The following HDAC9 variants were observed in gnomAD, a reference collection of about 807,000 sequenced individuals.
HDAC9 encodes the protein MEF-2 interacting transcription repressor (MITR) protein.
HDAC9 carries 41 observed loss-of-function variants against 139.4 expected under a neutral mutation model. That is an observed-to-expected ratio of 0.29 (90% CI 0.23 to 0.38). HDAC9 has a LOEUF of 0.38. HDAC9 is among the 10% of genes least tolerant of loss of function. The pLI is 1.00. For synonymous variants in HDAC9, 517 were observed against 476.2 expected, an observed-to-expected ratio of 1.09 and a Z score of -1.12; for missense variants, 1,147 against 1,297.0, an observed-to-expected ratio of 0.88 and a Z score of 1.78.
intron 19 of HDAC9, among the ~76,000 whole-genome samples, chr7:18,830,954 A>G (rs565499722): frequency 1.3e-5 from 2 of 152,366 alleles, no homozygotes; most frequent in East Asian, 3.9e-4. Flanking sequence ...AATTTGTAAG[A>G]TATTAAAACT....
chr7:18,211,261 C>G (rs1791918126), intron 2 of HDAC9, among the ~76,000 whole-genome samples: 1 of 152,178 alleles, frequency 6.6e-6, no homozygotes, highest in South Asian at 2.1e-4. Context: ...CATAGAAGCC[C>G]ACTTACCTAT....
At chr7:18,702,445 A>AT (rs1246252112) in intron 12 of HDAC9, among the ~76,000 whole-genome samples, 1 of 152,234 alleles carries the variant, frequency 6.6e-6, no homozygotes, top group African/African-American at 2.4e-5. Context: ...TCCAGTCTGC[A>AT]TAATTTTGGG....
chr7:18,560,169 A>T (rs2128703293), intron 2 of HDAC9, among the ~76,000 whole-genome samples: 1 of 152,320 alleles, frequency 6.6e-6, no homozygotes, highest in African/African-American at 2.4e-5. Flanking sequence ...AATTGGGCTC[A>T]GACTGATCTG....
intron 23 of HDAC9, among the ~76,000 whole-genome samples, chr7:18,942,063 A>G (rs1782063493): frequency 6.6e-6 from 1 of 152,096 alleles, no homozygotes; most frequent in African/African-American, 2.4e-5. Context: ...GTTCTTTGCC[A>G]TGGTGAAACA....
chr7:18,666,515 A>G, intron 12 of HDAC9, 39 bp downstream of exon 12: 1 of 1,589,610 alleles, frequency 6.3e-7, no homozygotes, highest in Non-Finnish European at 8.6e-7. Flanking sequence ...TTGTAATTAA[A>G]GTCATTATCT....
intron 2 of HDAC9, among the ~76,000 whole-genome samples, chr7:18,523,624 A>ATG (rs941992755): frequency 3.3e-5 from 5 of 152,002 alleles, no homozygotes; most frequent in African/African-American, 7.2e-5. Flanking sequence ...GCACATGTAT[A>ATG]TGTGTGTGTG....
chr7:18,671,718 C>G lies in HDAC9; in HGVS notation c.1731+5242C>G, dbSNP rs144907157. 2.0e-5 allele frequency among the ~76,000 whole-genome samples: 3 copies of G among 152,070 alleles called. No individual in the cohort carries two copies. The East Asian group carries it at 5.8e-4, about 30-fold the overall frequency. On this transcript the variant is annotated intron_variant, in intron 12 of 25. Transcript: ENST00000686413. ...AAAAATCTTGTACCAACTAAGCAGT[C>G]ACTCCCACTCCACGCTCGTTCTTGC...
chr7:18,525,956 C>T (rs1432014028), intron 2 of HDAC9, among the ~76,000 whole-genome samples: 1 of 152,202 alleles, frequency 6.6e-6, no homozygotes, highest in African/African-American at 2.4e-5. Flanking sequence ...CTCTCACCAC[C>T]AAAGACATAA....
chr7:18,358,491 A>C (rs970954876), intron 1 of HDAC9, among the ~76,000 whole-genome samples: 1 of 152,220 alleles, frequency 6.6e-6, no homozygotes, highest in Non-Finnish European at 1.5e-5. Flanking sequence ...ATTTTATGCA[A>C]ACTGGCATTG....
At chr7:18,893,319 C>T (rs1800862474) in intron 22 of HDAC9, among the ~76,000 whole-genome samples, 2 of 151,984 alleles carry the variant, frequency 1.3e-5, no homozygotes, top group Non-Finnish European at 1.5e-5. Context: ...CATAACATAA[C>T]CTTCGCTCTC....
chr7:18,560,089 T>A (rs570568628), intron 2 of HDAC9, among the ~76,000 whole-genome samples: 9 of 152,330 alleles, frequency 5.9e-5, no homozygotes, highest in East Asian at 1.9e-4. Context: ...GCAATTTTTT[T>A]ATTATTTTTA....
intron 1 of HDAC9, among the ~76,000 whole-genome samples, chr7:18,116,509 G>A (rs1400171892): frequency 3.3e-5 from 5 of 152,000 alleles, no homozygotes; most frequent in African/African-American, 1.2e-4. Context: ...TATAGAAACA[G>A]CTATATGAAA....
At chr7:18,111,513 T>C (rs1180612865) in intron 1 of HDAC9, among the ~76,000 whole-genome samples, 1 of 152,158 alleles carries the variant, frequency 6.6e-6, no homozygotes, top group Non-Finnish European at 1.5e-5. Flanking sequence ...CCAATATCAG[T>C]GGATGCCCAA....
At chr7:18,353,986 A>T (rs1783059289) in intron 1 of HDAC9, among the ~76,000 whole-genome samples, 1 of 152,186 alleles carries the variant, frequency 6.6e-6, no homozygotes, top group South Asian at 2.1e-4. Context: ...GTGTATGCAC[A>T]TTCTAAGCCA....
intron 1 of HDAC9, among the ~76,000 whole-genome samples, chr7:18,419,136 T>C (rs1367122055): frequency 1.3e-5 from 2 of 152,214 alleles, no homozygotes; most frequent in African/African-American, 4.8e-5. Context: ...GATGTATTTT[T>C]AATTTTCATT....
intron 25 of HDAC9, among the ~76,000 whole-genome samples, chr7:18,981,855 C>T (rs1016034898): frequency 6.6e-6 from 1 of 152,000 alleles, no homozygotes; most frequent in African/African-American, 2.4e-5. Flanking sequence ...GCTTTGGGGA[C>T]TATTATTCTT....
At chr7:18,399,426 A>T (rs1787338461) in intron 1 of HDAC9, among the ~76,000 whole-genome samples, 1 of 152,184 alleles carries the variant, frequency 6.6e-6, no homozygotes, top group South Asian at 2.1e-4. Context: ...GAAGAACTAA[A>T]TTGTATGGAG....
intron 2 of HDAC9, among the ~76,000 whole-genome samples, chr7:18,178,370 C>T (rs1220194670): frequency 6.6e-6 from 1 of 152,222 alleles, no homozygotes; most frequent in Non-Finnish European, 1.5e-5. Context: ...CAGGCGTGAG[C>T]CACTGCACCC....
intron 6 of HDAC9, among the ~76,000 whole-genome samples, chr7:18,604,525 G>A (rs1379825767): frequency 1.3e-5 from 2 of 151,406 alleles, no homozygotes; most frequent in Non-Finnish European, 2.9e-5. Flanking sequence ...TCCTGCCTCA[G>A]CCTCCCGAGA....
Sources: allele counts gnomAD v4.1 joint callset (sites outside exome capture counted in the v4.1 genomes callset), GRCh38; gene constraint gnomAD v4.1.1; transcripts MANE v1.5; gene names NCBI Gene and HGNC (gene_info 2026-07-23, HGNC 2026-07-21).